SNX27: variants seen among roughly 807,000 people sequenced by gnomAD.
The protein encoded by SNX27 is sorting nexin 27, also known as sorting nexin-27.
SNX27 carries 22 observed loss-of-function variants against 71.6 expected under a neutral mutation model. The ratio of observed to expected loss-of-function variants is 0.31; its 90% CI spans 0.22 to 0.44. The LOEUF (loss-of-function observed/expected upper bound fraction) is 0.44, where lower values mean the gene tolerates loss of function less well. SNX27 is among the 20% of genes least tolerant of loss of function. SNX27 has a pLI of 1.00. For missense variants in SNX27, 531 were observed against 698.6 expected (o/e 0.76, Z 2.70); for synonymous variants, 269 against 277.2 (o/e 0.97, Z 0.29).
At chr1:151,677,591 G>A (rs1305170627) in intron 7 of SNX27, 4 of 152,042 alleles carry the variant, frequency 2.6e-5, no homozygotes, top group African/African-American at 9.7e-5. Flanking sequence ...AAAAAATTGA[G>A]AAGGTATCTC....
intron 7 of SNX27, among the ~76,000 whole-genome samples, chr1:151,669,951 T>TCACC (rs1390672684): frequency 2.0e-5 from 3 of 152,186 alleles, no homozygotes; most frequent in African/African-American, 7.2e-5. Context: ...TTGACTATAG[T>TCACC]CACCCTATTG....
intron 6 of SNX27, 30 bp downstream of exon 6, chr1:151,666,041 G>A: frequency 6.4e-7 from 1 of 1,555,304 alleles, no homozygotes; most frequent in Non-Finnish European, 8.8e-7. Flanking sequence ...ACTAAGTTTT[G>A]TTTTCTAATA....
chr1:151,651,795 G>A (rs1439970337), intron 2 of SNX27, among the ~76,000 whole-genome samples: 2 of 152,004 alleles, frequency 1.3e-5, no homozygotes, highest in Non-Finnish European at 1.5e-5. Flanking sequence ...CTTCCCAGAC[G>A]GGGTGGCGGC....
intron 1 of SNX27, among the ~76,000 whole-genome samples, chr1:151,631,111 A>T (rs1668211061): frequency 6.6e-6 from 1 of 152,218 alleles, no homozygotes; most frequent in Non-Finnish European, 1.5e-5. Context: ...AGACAAACTG[A>T]ACCAGTCAGA....
intron 8 of SNX27, among the ~76,000 whole-genome samples, chr1:151,685,791 A>G (rs970496304): frequency 1.3e-5 from 2 of 152,256 alleles, no homozygotes; most frequent in African/African-American, 4.8e-5. Context: ...ATGAAAAGTA[A>G]TAAATCTCTA....
At chr1:151,645,377 T>G (rs900991716) in intron 2 of SNX27, among the ~76,000 whole-genome samples, 12 of 152,248 alleles carry the variant, frequency 7.9e-5, no homozygotes, top group African/African-American at 2.7e-4. Context: ...TGAGTCATTT[T>G]GGATTGTATC....
At chr1:151,641,521 C>T (rs755187474) in intron 2 of SNX27, among the ~76,000 whole-genome samples, 12 of 145,184 alleles carry the variant, frequency 8.3e-5, no homozygotes, top group East Asian at 2.1e-4. Context: ...CTCTTTTGCC[C>T]GTTTAAAAAA....
In SNX27 at chr1:151,612,375, G is replaced by C; in HGVS notation, c.174G>C (p.Arg58=). Residue 58 remains arginine, a synonymous_variant, in exon 1 of 12, where the codon CGG becomes CGC. Transcript: ENST00000458013. The surrounding 1 kb of genome is among the most constrained non-coding windows in gnomAD (Gnocchi z 5.2). ...AGTCCGGCTACGGCTTCAACGTGCG[G>C]GGCCAAGTGAGCGAGGGCGGGCAAC... ...KSESGYGFNV[R]GQVSEGGQLR... 6.5e-7 allele frequency: 1 copy of C among 1,542,820 alleles called. No individual in the cohort carries two copies. The highest frequency in any genetic ancestry group is 8.7e-7 in the Non-Finnish European group (1 of 1,148,570).
intron 7 of SNX27, among the ~76,000 whole-genome samples, chr1:151,683,043 CA>C (rs528610163): frequency 6.6e-6 from 1 of 152,202 alleles, no homozygotes; most frequent in South Asian, 2.1e-4. Context: ...TCAAAACAAA[CA>C]AAAAAACCCC....
intron 5 of SNX27, 48 bp downstream of exon 5, chr1:151,662,318 A>G: frequency 7.7e-7 from 1 of 1,302,100 alleles, no homozygotes; most frequent in African/African-American, 1.5e-5. Context: ...TGTGAAGCTA[A>G]GGAAGATAGA....
chr1:151,643,312 T>A (rs868279166), intron 2 of SNX27, among the ~76,000 whole-genome samples: 2 of 109,174 alleles, frequency 1.8e-5, no homozygotes, highest in African/African-American at 6.7e-5. Context: ...TTATTTATTT[T>A]GAGACGGAGT....
chr1:151,668,820 T>G (rs1273366892), intron 7 of SNX27, among the ~76,000 whole-genome samples, 185 bp downstream of exon 7: 1 of 152,202 alleles, frequency 6.6e-6, no homozygotes, highest in Non-Finnish European at 1.5e-5. Flanking sequence ...AGTAAAGATA[T>G]CCTGGAGTTT....
At chr1:151,636,666 TA>T (rs11333472) in intron 1 of SNX27, among the ~76,000 whole-genome samples, 74,958 of 97,448 alleles carry the variant, frequency 0.77, 30,015 homozygotes, top group Non-Finnish European at 0.92. Context: ...TCCACTTTTG[TA>T]AAAAAAAAAA....
At chr1:151,691,959 G>A (rs112633393) in intron 8 of SNX27, among the ~76,000 whole-genome samples, 3 of 152,212 alleles carry the variant, frequency 2.0e-5, no homozygotes, top group Non-Finnish European at 2.9e-5. Flanking sequence ...TTGCACTTTC[G>A]GTGGCTGAGG....
intron 7 of SNX27, among the ~76,000 whole-genome samples, chr1:151,669,851 G>T (rs567514541): frequency 3.9e-5 from 6 of 152,010 alleles, no homozygotes; most frequent in Non-Finnish European, 7.4e-5. Context: ...AGAAAATGAG[G>T]TATCCATCCC....
chr1:151,657,414 T>C (rs1033858134), intron 2 of SNX27, among the ~76,000 whole-genome samples: 2 of 152,178 alleles, frequency 1.3e-5, no homozygotes, highest in Non-Finnish European at 2.9e-5. Context: ...GCAATCTGCC[T>C]GCCTGTCAGC....
chr1:151,633,252 TAC>T (rs1668322228), intron 1 of SNX27, among the ~76,000 whole-genome samples: 1 of 152,144 alleles, frequency 6.6e-6, no homozygotes, highest in South Asian at 2.1e-4. Context: ...GGCAAAAGTA[TAC>T]ATCCATTTAA....
At chr1:151,659,370 C>T (rs1249104147) in intron 3 of SNX27, among the ~76,000 whole-genome samples, 1 of 152,196 alleles carries the variant, frequency 6.6e-6, no homozygotes, top group Non-Finnish European at 1.5e-5. Context: ...GCCTCGGCCT[C>T]CCGAGTAGCT....
At position 151,692,452 on chromosome 1, in the gene SNX27, G is replaced by A. The variant is rs1366346901; in HGVS notation, c.1257G>A (p.Arg419=). 2.7e-6 allele frequency: 2 copies of A among 735,520 alleles called. No individual in the cohort carries two copies. The highest frequency in any genetic ancestry group is 4.2e-5 in the East Asian group (1 of 23,664). 45.6% of individuals were successfully genotyped at this position (735,520 alleles called of 1,614,324 possible). ...TTTTTTAGTACCTCAACATGCTAAG[G>A]ACTTGTGAGGGCTACAATGAAATCA... The part of the protein sequence containing the change: ...RKMVMYLNML[R]TCEGYNEIIF... Residue 419 remains arginine, a synonymous_variant, in exon 9 of 12, where the codon AGG becomes AGA. Coordinates refer to ENST00000458013, the MANE Select transcript of SNX27 (RefSeq NM_001330723.2).
Sources: gnomAD v4.1 joint callset for allele counts (sites outside exome capture counted in the v4.1 genomes callset) on GRCh38, gnomAD v4.1.1 for gene constraint, Gnocchi (gnomAD v3.1) non-coding constraint, MANE v1.5 for transcripts, NCBI Gene and HGNC (gene_info 2026-07-23, HGNC 2026-07-21) for gene names.